ADGRV1: variants seen among roughly 807,000 people sequenced by gnomAD.
The protein encoded by ADGRV1 is G-protein coupled receptor 98.
Under a neutral mutation model 596.2 loss-of-function variants are expected in ADGRV1, and 359 were observed. The observed-to-expected ratio is 0.60, with a 90% CI of 0.55 to 0.66. ADGRV1 has a LOEUF of 0.66. Ranked by LOEUF, ADGRV1 falls within the 30% of genes least tolerant of loss-of-function variation. The pLI, the probability that ADGRV1 is intolerant of heterozygous loss-of-function variation, is 0.00. For missense variants in ADGRV1, 7,274 were observed against 7,575.6 expected (o/e 0.96, Z 1.48); for synonymous variants, 2,681 against 2,679.2 (o/e 1.00, Z -0.02).
At chr5:90,942,134 G>A (rs1028024538) in intron 83 of ADGRV1, among the ~76,000 whole-genome samples, 4 of 152,154 alleles carry the variant, frequency 2.6e-5, no homozygotes, top group Non-Finnish European at 4.4e-5. Flanking sequence ...CATTGACACC[G>A]TACATTGGCC....
intron 82 of ADGRV1, among the ~76,000 whole-genome samples, chr5:90,857,785 A>G (rs1358739859): frequency 1.3e-5 from 2 of 152,182 alleles, no homozygotes; most frequent in Non-Finnish European, 2.9e-5. Flanking sequence ...AGAGAATTTT[A>G]TATATCTTAC....
chr5:91,068,266 C>G (rs1788060105), intron 85 of ADGRV1, among the ~76,000 whole-genome samples: 1 of 151,388 alleles, frequency 6.6e-6, no homozygotes, highest in East Asian at 1.9e-4. Context: ...ACCATCCTGG[C>G]TAACATGGTG....
rs1762385398 is a variant in ADGRV1 at position 90,810,945 on chromosome 5, A to G, written c.15685A>G (p.Ile5229Val). Residue 5229 changes from isoleucine to valine, a missense_variant, in exon 74 of 90, where the codon ATT (isoleucine) becomes GTT (valine). This residue lies in a region of ADGRV1 where 1,874 missense variants were observed against 1,970.2 expected (regional missense o/e 0.95). Coordinates refer to ENST00000405460, the MANE Select transcript of ADGRV1 (RefSeq NM_032119.4). ...TFSLGPSIVY[I>V]EEEMKNGTFN... ...CAGCCTTGGGCCATCCATTGTTTATATTGAAGAGGAGATGAAGAATGGCAC... is the reference window on the plus strand; with the variant it reads ...CAGCCTTGGGCCATCCATTGTTTATGTTGAAGAGGAGATGAAGAATGGCAC... 4 of 1,614,024 alleles carry G rather than the reference A, an allele frequency of 2.5e-6. No homozygotes were observed. The East Asian group carries it at 6.7e-5, about 27-fold the overall frequency.
chr5:90,882,588 A>T (rs1219872192), intron 83 of ADGRV1, among the ~76,000 whole-genome samples: 1 of 152,166 alleles, frequency 6.6e-6, no homozygotes, highest in African/African-American at 2.4e-5. Flanking sequence ...ATTGTTCTGG[A>T]TGGGGAAACT....
chr5:90,646,016 G>T lies in ADGRV1; in HGVS notation c.2947G>T (p.Gly983Ter). ...TACCGTTATCCTACTGAATGGCACT[G>T]GAGGAGCTAAAGTGGGAAATAGAAC... is the stretch of plus-strand genomic sequence containing the variant. ...EFTVILLNGT[G>*]GAKVGNRTTA... The change falls in exon 16 of 90, where the codon GGA becomes TGA. Residue 983 changes from glycine (G) to a stop codon, truncating the protein, a stop_gained. Transcript: ENST00000405460. LOFTEE classifies it high-confidence loss of function. The T allele has an allele frequency of 1.2e-6, 2 of 1,606,660 alleles. No homozygotes were observed. Among genetic ancestry groups the T allele is most frequent in the South Asian group, 1.1e-5 (1 of 89,686 alleles).
intron 9 of ADGRV1, among the ~76,000 whole-genome samples, chr5:90,634,489 C>T (rs1245467221): frequency 6.6e-6 from 1 of 152,110 alleles, no homozygotes; most frequent in East Asian, 1.9e-4. Flanking sequence ...TTATACATTG[C>T]AGTTCTTTAA....
chr5:91,032,233 T>C (rs1471471459), intron 85 of ADGRV1, among the ~76,000 whole-genome samples: 1 of 152,178 alleles, frequency 6.6e-6, no homozygotes, highest in Non-Finnish European at 1.5e-5. Flanking sequence ...GTGGCTCCAA[T>C]AGAGTGAATG....
intron 2 of ADGRV1, 166 bp from the exon 3 acceptor site, chr5:90,617,638 T>G: frequency 3.5e-6 from 2 of 576,670 alleles, no homozygotes; most frequent in East Asian, 3.1e-5. Context: ...TGAAGATAAG[T>G]TTTTTCAGTT....
At chr5:91,075,178 C>A (rs1194905153) in intron 86 of ADGRV1, among the ~76,000 whole-genome samples, 1 of 152,048 alleles carries the variant, frequency 6.6e-6, no homozygotes, top group Non-Finnish European at 1.5e-5. Flanking sequence ...TGCAGGAGCT[C>A]TTTAGTTTAA....
chr5:91,099,788 T>C (rs1791208639), intron 86 of ADGRV1, among the ~76,000 whole-genome samples: 1 of 152,028 alleles, frequency 6.6e-6, no homozygotes, highest in South Asian at 2.1e-4. Context: ...CCCCGTGATG[T>C]TGGGTTGGAA....
chr5:90,874,874 A>G (rs1002552785), intron 83 of ADGRV1, among the ~76,000 whole-genome samples: 1 of 152,152 alleles, frequency 6.6e-6, no homozygotes, highest in Non-Finnish European at 1.5e-5. Flanking sequence ...ACAAAAAACA[A>G]AAAACAACCT....
Position 90,781,516 on chromosome 5 carries a change from T to C in ADGRV1, c.13169T>C (p.Ile4390Thr). Residue 4390 changes from isoleucine to threonine, a missense_variant, in exon 65 of 90, where the codon ATA (isoleucine) becomes ACA (threonine). Physicochemically the swap from Ile to Thr is moderately conservative, Grantham distance 89. Around this residue, in one of 5 missense-constraint regions of ADGRV1, gnomAD observed 3,643 missense variants for 3,809.2 expected, o/e 0.96. Transcript: ENST00000405460. Reference sequence around the variant, plus strand: ...AACATCTCCATTGTTCGCATCATAATAATGAAAAATGATAACGCAGAAGGC... The same window carrying C: ...AACATCTCCATTGTTCGCATCATAACAATGAAAAATGATAACGCAGAAGGC... ...IGNISIVRII[I>T]MKNDNAEGII... 6.2e-7 allele frequency: 1 copy of C among 1,611,558 alleles called. No individual in the cohort carries two copies. Among genetic ancestry groups the C allele is most frequent in the Non-Finnish European group, 8.5e-7 (1 of 1,178,634 alleles).
intron 19 of ADGRV1, 61 bp from the exon 20 acceptor site, chr5:90,653,148 C>T (rs1251227531): frequency 1.8e-5 from 25 of 1,400,746 alleles, no homozygotes; most frequent in Non-Finnish European, 2.4e-5. Flanking sequence ...CTTTTTTCTT[C>T]ACATTATACT....
chr5:91,015,794 C>T (rs968400606), intron 85 of ADGRV1, among the ~76,000 whole-genome samples: 7 of 151,494 alleles, frequency 4.6e-5, no homozygotes, highest in Non-Finnish European at 1.0e-4. Flanking sequence ...GAGATGACAG[C>T]GTACAATTGG....
Position 90,823,531 on chromosome 5 carries a change from G to C in ADGRV1, c.16303G>C (p.Gly5435Arg). 6.2e-7 allele frequency: 1 copy of C among 1,613,930 alleles called. No individual in the cohort carries two copies. Among genetic ancestry groups the C allele is most frequent in the Non-Finnish European group, 8.5e-7 (1 of 1,179,846 alleles). Reference protein sequence around the residue: ...NLVEELQSVSGTTTCTMGQTK... With the variant: ...NLVEELQSVSRTTTCTMGQTK... Reference sequence around the variant, plus strand: ...GGTGGAGGAACTTCAGTCTGTGTCAGGGACCACAACCTGTACAATGGGTCA... The same window carrying C: ...GGTGGAGGAACTTCAGTCTGTGTCACGGACCACAACCTGTACAATGGGTCA... The change falls in exon 76 of 90, where the codon GGG (glycine) becomes CGG (arginine). Residue 5435 changes from glycine to arginine, a missense_variant. Coordinates refer to ENST00000405460, the MANE Select transcript of ADGRV1 (RefSeq NM_032119.4).
intron 67 of ADGRV1, among the ~76,000 whole-genome samples, chr5:90,785,048 C>T (rs1005552755): frequency 6.6e-6 from 1 of 152,108 alleles, no homozygotes; most frequent in Non-Finnish European, 1.5e-5. Context: ...ACCAAAACAG[C>T]GTGGTACTGG....
intron 1 of ADGRV1, among the ~76,000 whole-genome samples, chr5:90,563,118 C>A (rs1755076485): frequency 2.6e-5 from 4 of 152,064 alleles, no homozygotes. Flanking sequence ...AGGGAAAGAG[C>A]TACCTTTATG....
intron 82 of ADGRV1, among the ~76,000 whole-genome samples, chr5:90,859,215 G>A (rs1389394402): frequency 2.0e-5 from 3 of 152,092 alleles, no homozygotes; most frequent in African/African-American, 4.8e-5. Flanking sequence ...GGCCTCAAGC[G>A]ATCCTCCTGC....
chr5:90,628,527 A>T lies in ADGRV1; in HGVS notation c.1239-35A>T, dbSNP rs370606469. 1.9e-6 allele frequency: 3 copies of T among 1,571,216 alleles called. No individual in the cohort carries two copies. The African/African-American group carries it at 4.0e-5, about 21-fold the overall frequency. ...TTATCTAAGGGAAATAAAGTGTACT[A>T]TGTGACAATATGTATTTCTTTTAAA... is the stretch of plus-strand genomic sequence containing the variant. On this transcript the variant is annotated intron_variant, in intron 7 of 89. Transcript: ENST00000405460.
Sources: allele counts gnomAD v4.1 joint callset (sites outside exome capture counted in the v4.1 genomes callset), GRCh38; gene constraint gnomAD v4.1.1; regional missense constraint gnomAD v4.1.1; transcripts MANE v1.5; gene names NCBI Gene and HGNC (gene_info 2026-07-23, HGNC 2026-07-21).